Variants in GRID2 observed in about 807,000 individuals in gnomAD.
GRID2 encodes glutamate ionotropic receptor delta type subunit 2.
A neutral mutation model predicts 114.8 loss-of-function variants in GRID2; 33 were observed. The observed-to-expected ratio is 0.29, with a 90% CI of 0.22 to 0.38. The LOEUF is 0.38. GRID2 is among the 10% of genes least tolerant of loss of function. The pLI, the probability that GRID2 is intolerant of heterozygous loss-of-function variation, is 1.00. For missense variants in GRID2, 1,184 were observed against 1,257.7 expected (o/e 0.94, Z 0.89); for synonymous variants, 505 against 449.9 (o/e 1.12, Z -1.55).
At chr4:93,449,174 C>A (rs2149402827) in intron 10 of GRID2, among the ~76,000 whole-genome samples, 1 of 151,730 alleles carries the variant, frequency 6.6e-6, no homozygotes, top group African/African-American at 2.4e-5. Context: ...AAAATTTATT[C>A]TCTTGAACAG....
chr4:93,183,063 G>T (rs1740048543), intron 4 of GRID2, among the ~76,000 whole-genome samples: 1 of 152,174 alleles, frequency 6.6e-6, no homozygotes, highest in Non-Finnish European at 1.5e-5. Context: ...CAACTGAGCA[G>T]AATTAAATCA....
chr4:92,483,185 A>T (rs2149106733), intron 1 of GRID2, among the ~76,000 whole-genome samples: 1 of 152,212 alleles, frequency 6.6e-6, no homozygotes, highest in East Asian at 1.9e-4. Context: ...CAGAAAATAC[A>T]AAAATTAGCT....
chr4:92,380,199 T>G (rs987504521), intron 1 of GRID2, among the ~76,000 whole-genome samples: 2 of 151,866 alleles, frequency 1.3e-5, no homozygotes. Context: ...TGGTAGGTCC[T>G]TGTGTGTGTT....
Position 93,334,765 on chromosome 4 carries a change from C to T in GRID2, c.1246-60842C>T, listed in dbSNP as rs1451572039. ...CCAACATGGAGAAACCCCATCTCAA[C>T]TAAAAATACAAAAAAATTAGCCGGG... On this transcript the variant is annotated intron_variant, in intron 8 of 15. Transcript: ENST00000282020. Among the ~76,000 whole-genome samples, 6 of 152,060 alleles carry T rather than the reference C, an allele frequency of 3.9e-5. No individual in the cohort carries two copies. In the East Asian group the frequency reaches 9.7e-4, roughly 25 times the overall value.
intron 7 of GRID2, among the ~76,000 whole-genome samples, chr4:93,233,335 A>AT (rs1210273655): frequency 9.6e-5 from 10 of 104,578 alleles, no homozygotes; most frequent in African/African-American, 2.7e-4. Flanking sequence ...TATTATTATT[A>AT]TTTTTTTTTT....
chr4:93,800,747 T>C (rs1467966101), intron 1 of GRID2, among the ~76,000 whole-genome samples: 2 of 152,376 alleles, frequency 1.3e-5, no homozygotes, highest in East Asian at 3.8e-4. Flanking sequence ...TCCCAGTTTG[T>C]TAAATAATTA....
intron 2 of GRID2, among the ~76,000 whole-genome samples, chr4:93,045,076 G>A (rs1725998150): frequency 6.6e-6 from 1 of 152,120 alleles, no homozygotes; most frequent in South Asian, 2.1e-4. Context: ...TAGATGAACA[G>A]TGATATTTCT....
intron 2 of GRID2, among the ~76,000 whole-genome samples, chr4:92,978,851 A>G (rs553531725): frequency 6.6e-6 from 1 of 151,876 alleles, no homozygotes; most frequent in Non-Finnish European, 1.5e-5. Context: ...ACATAGTGAG[A>G]CCCTGTCTCT....
chr4:92,304,834 G>A, intron 1 of GRID2, 90 bp downstream of exon 1: 1 of 921,124 alleles, frequency 1.1e-6, no homozygotes, highest in Non-Finnish European at 1.8e-6. Context: ...CGGTCTCTGT[G>A]TGTCTTGTTG....
At chr4:92,691,249 T>C (rs772006679) in intron 2 of GRID2, among the ~76,000 whole-genome samples, 2 of 152,200 alleles carry the variant, frequency 1.3e-5, no homozygotes, top group Non-Finnish European at 2.9e-5. Context: ...CCAAAAATTA[T>C]GGTACTTTGC....
intron 4 of GRID2, among the ~76,000 whole-genome samples, chr4:93,142,542 T>C (rs982172439): frequency 2.6e-5 from 4 of 152,160 alleles, no homozygotes; most frequent in Non-Finnish European, 5.9e-5. Context: ...CCAAAGTTTC[T>C]GTCTCCTAAT....
chr4:93,529,844 T>A (rs1157146473), intron 13 of GRID2, among the ~76,000 whole-genome samples: 3 of 152,138 alleles, frequency 2.0e-5, no homozygotes, highest in Non-Finnish European at 4.4e-5. Context: ...AAAACAATAC[T>A]TATCTGCTTG....
intron 1 of GRID2, among the ~76,000 whole-genome samples, chr4:92,432,970 C>T (rs1479331071): frequency 6.6e-5 from 10 of 152,084 alleles, no homozygotes; most frequent in African/African-American, 4.8e-5. Context: ...GTGATGAATC[C>T]TTCCAAAAAC....
In GRID2 at chr4:93,358,398, A is replaced by G. The variant is rs970560657; in HGVS notation, c.1246-37209A>G. 5.9e-5 allele frequency among the ~76,000 whole-genome samples: 9 copies of G among 151,926 alleles called. No individual in the cohort carries two copies. In the South Asian group the frequency reaches 6.2e-4, roughly 10 times the overall value. ...TTAAGAAATTGTACTTCTGTTTTTA[A>G]GTACTAATTGTTAAACAAATAAACA... On this transcript the variant is annotated intron_variant, in intron 8 of 15. Coordinates refer to ENST00000282020, the MANE Select transcript of GRID2 (RefSeq NM_001510.4).
At chr4:93,374,326 G>A (rs1284495148) in intron 8 of GRID2, among the ~76,000 whole-genome samples, 1 of 152,122 alleles carries the variant, frequency 6.6e-6, no homozygotes, top group Non-Finnish European at 1.5e-5. Context: ...TGAGGAAACA[G>A]CAATAGCAGG....
intron 2 of GRID2, among the ~76,000 whole-genome samples, chr4:92,763,001 T>C (rs1191540633): frequency 6.6e-6 from 1 of 152,168 alleles, no homozygotes; most frequent in Non-Finnish European, 1.5e-5. Context: ...TTGTGTTATA[T>C]AAGTCTGGGG....
chr4:92,424,807 T>C (rs1732077607), intron 1 of GRID2, among the ~76,000 whole-genome samples: 2 of 151,336 alleles, frequency 1.3e-5, no homozygotes, highest in Admixed American at 1.3e-4. Context: ...ACAACAGCAG[T>C]CCTAACAACA....
chr4:93,422,004 G>A (rs113108648), intron 9 of GRID2, among the ~76,000 whole-genome samples: 5,526 of 152,264 alleles, frequency 0.036, 151 homozygotes, highest in Middle Eastern at 0.058. Flanking sequence ...TTAAGGAATA[G>A]ATTATCTAGT....
intron 2 of GRID2, among the ~76,000 whole-genome samples, chr4:92,769,812 G>A (rs543750145): frequency 2.0e-4 from 30 of 152,204 alleles, no homozygotes; most frequent in Admixed American, 8.5e-4. Context: ...AGGGACCCAG[G>A]GCCCAGTCCA....
Sources: allele counts gnomAD v4.1 joint callset (sites outside exome capture counted in the v4.1 genomes callset), GRCh38; gene constraint gnomAD v4.1.1; transcripts MANE v1.5; gene names NCBI Gene and HGNC (gene_info 2026-07-23, HGNC 2026-07-21).